Variants in ATP8B1 observed in about 807,000 individuals in gnomAD.
The protein encoded by ATP8B1 is ATPase phospholipid transporting 8B1.
In ATP8B1, 80 loss-of-function variants were observed where a neutral mutation model predicts 149.9. The ratio of observed to expected loss-of-function variants is 0.53; its 90% CI spans 0.45 to 0.64. The LOEUF (loss-of-function observed/expected upper bound fraction) is 0.64. ATP8B1 is among the 30% of genes least tolerant of loss of function. The probability of loss-of-function intolerance (pLI) is 0.00; values close to 1 mark genes in which losing one functional copy is unlikely to be tolerated. For missense variants in ATP8B1, 1,247 were observed against 1,552.6 expected (o/e 0.80, Z 3.31); for synonymous variants, 536 against 562.8 (o/e 0.95, Z 0.67).
intron 1 of ATP8B1, among the ~76,000 whole-genome samples, chr18:57,746,500 G>T (rs911698331): frequency 1.7e-4 from 22 of 127,512 alleles, no homozygotes; most frequent in African/African-American, 6.7e-4. Flanking sequence ...TTGAGACAGA[G>T]TCTCACTCTG....
At position 57,695,249 on chromosome 18, in the gene ATP8B1, A is replaced by G. The variant is rs1255386443; in HGVS notation, c.862T>C (p.Leu288=). The change falls in exon 10 of 28, where the codon TTG becomes CTG. Residue 288 remains leucine, a synonymous_variant. Coordinates refer to ENST00000648908, the MANE Select transcript of ATP8B1 (RefSeq NM_001374385.1). The part of the protein sequence containing the change: ...TLFWRNTSFP[L]DADKILLRGC... ...CGTAACAAAATTTTATCAGCATCCA[A>G]AGGAAAACTTGTGTTTCTCCAAAAT... is the stretch of plus-strand genomic sequence containing the variant. The G allele has an allele frequency of 6.2e-7, 1 of 1,614,034 alleles. No homozygotes were observed. The highest frequency in any genetic ancestry group is 8.5e-7 in the Non-Finnish European group (1 of 1,179,922).
chr18:57,772,132 CTAAGA>C (rs1295227601), intron 1 of ATP8B1, among the ~76,000 whole-genome samples: 4 of 152,150 alleles, frequency 2.6e-5, no homozygotes, highest in African/African-American at 9.7e-5. Context: ...TATAAAAGAG[CTAAGA>C]TAATTATAAG....
At chr18:57,727,420 G>T (rs2079719486) in intron 2 of ATP8B1, among the ~76,000 whole-genome samples, 1 of 152,176 alleles carries the variant, frequency 6.6e-6, no homozygotes. Flanking sequence ...CTTTATCTGT[G>T]TTTTGGTTCC....
chr18:57,783,460 C>T (rs967463423), intron 1 of ATP8B1, among the ~76,000 whole-genome samples: 1 of 152,066 alleles, frequency 6.6e-6, no homozygotes, highest in Non-Finnish European at 1.5e-5. Flanking sequence ...GGAATAAGAA[C>T]TTTAAAAATA....
chr18:57,694,466 A>G (rs1599124071), intron 11 of ATP8B1, 116 bp downstream of exon 11: 1 of 743,992 alleles, frequency 1.3e-6, no homozygotes, highest in Non-Finnish European at 2.3e-6. Context: ...GGAGTGCCCA[A>G]TAATTTTTCT....
intron 2 of ATP8B1, among the ~76,000 whole-genome samples, chr18:57,713,224 CTTCCTTCCTTCCTTCCTTCT>C (rs1483878978): frequency 5.9e-5 from 7 of 118,710 alleles, no homozygotes; most frequent in African/African-American, 1.7e-4. Context: ...TCCTTCCTTC[CTTCCTTCCTTCCTTCCTTCT>C]TTCTTTCTTT....
Position 57,675,277 on chromosome 18 carries a change from C to T in ATP8B1, c.1631-255G>A, listed in dbSNP as rs11152027. 0.092 allele frequency among the ~76,000 whole-genome samples: 14,012 copies of T among 152,224 alleles called. 713 individuals carry two copies. The highest frequency in any genetic ancestry group is 0.14 in the Middle Eastern group (42 of 294). On this transcript the variant is annotated intron_variant, in intron 15 of 27. Transcript: ENST00000648908. ...TGAGGGAAAATTCCCATAATCCCAC[C>T]ATCCACAGGAGAAACAACAGGTGTT...
intron 1 of ATP8B1, among the ~76,000 whole-genome samples, chr18:57,783,890 G>A (rs1014645704): frequency 6.6e-6 from 1 of 151,894 alleles, no homozygotes; most frequent in Non-Finnish European, 1.5e-5. Flanking sequence ...CACAGAAGCC[G>A]TCTCCTCTAC....
At position 57,761,652 on chromosome 18, in the gene ATP8B1, AT is replaced by A. The variant is rs909177430; in HGVS notation, c.-25-29821del. Among the ~76,000 whole-genome samples, 343 of 141,390 alleles carry A rather than the reference AT, an allele frequency of 2.4e-3. 2 individuals are homozygous for A. The highest frequency in any genetic ancestry group is 5.3e-3 in the African/African-American group (205 of 38,624). 92.8% of individuals were successfully genotyped at this position (141,390 alleles called of 152,430 possible). On this transcript the variant is annotated intron_variant, in intron 1 of 27. Transcript: ENST00000648908. ...ATTCTATAGGTTTTTTTCTTTTCCT[AT>A]TTTTTTTTTTAATGGACTAGGCCAG...
intron 3 of ATP8B1, among the ~76,000 whole-genome samples, chr18:57,705,204 T>C (rs1913329575): frequency 6.6e-6 from 1 of 152,210 alleles, no homozygotes; most frequent in South Asian, 2.1e-4. Context: ...GACATCAGAC[T>C]GTGACCAAAT....
chr18:57,798,759 C>T (rs1005057158), intron 1 of ATP8B1, among the ~76,000 whole-genome samples: 7 of 152,174 alleles, frequency 4.6e-5, no homozygotes, highest in African/African-American at 1.4e-4. Context: ...GGCCCCCTCA[C>T]GAGTTCTCCT....
chr18:57,661,713 A>ATTTT (rs759201755), intron 21 of ATP8B1, among the ~76,000 whole-genome samples: 12 of 92,670 alleles, frequency 1.3e-4, no homozygotes, highest in African/African-American at 4.3e-4. Context: ...ATATATATAT[A>ATTTT]TTTTTTTTTT....
Position 57,661,326 on chromosome 18 carries a change from T to G in ATP8B1, c.2555A>C (p.Asn852Thr), listed in dbSNP as rs34681681. Residue 852 changes from asparagine to threonine, a missense_variant, in exon 22 of 28, where the codon AAC becomes ACC. Transcript: ENST00000648908. ...GCACTCGCAGGCCAGGTCCACAAAG[T>G]TTTTCTGCCGCTGCTCTTTCTTAGC... is the stretch of plus-strand genomic sequence containing the variant. Reference protein sequence around the residue: ...LEAKKEQRQKNFVDLACECSA... With the variant: ...LEAKKEQRQKTFVDLACECSA... The G allele has an allele frequency of 1.2e-6, 2 of 1,613,986 alleles. No individual in the cohort carries two copies. Among genetic ancestry groups the G allele is most frequent in the East Asian group, 2.2e-5 (1 of 44,844 alleles).
chr18:57,786,338 C>T (rs4941094), intron 1 of ATP8B1, among the ~76,000 whole-genome samples: 26,332 of 152,170 alleles, frequency 0.17, 2,668 homozygotes, highest in South Asian at 0.24. Context: ...CTGGACATCA[C>T]TTCAGAATCC....
Position 57,706,524 on chromosome 18 carries a change from G to T in ATP8B1, c.245C>A (p.Thr82Lys). The T allele has an allele frequency of 6.2e-7, 1 of 1,613,996 alleles. No homozygotes were observed. The highest frequency in any genetic ancestry group is 1.3e-5 in the African/African-American group (1 of 75,010). Residue 82 changes from threonine (T) to lysine (K), a missense_variant, in exon 3 of 28, where the codon ACA (threonine) becomes AAA (lysine). Thr to Lys is a moderately conservative substitution (Grantham distance 78). Coordinates refer to ENST00000648908, the MANE Select transcript of ATP8B1 (RefSeq NM_001374385.1). ...ACTCTCCTTAATACACAAGAATTTT[G>T]TGTTCATAAAGTGAGGTTGTTCGTG... ...KYHEQPHFMN[T>K]KFLCIKESKY... is the part of the protein sequence containing the mutation.
At chr18:57,702,429 C>A (rs879637395) in intron 4 of ATP8B1, among the ~76,000 whole-genome samples, 10 of 152,218 alleles carry the variant, frequency 6.6e-5, no homozygotes, top group Admixed American at 2.0e-4. Context: ...TACTAGGCCT[C>A]AGCTTTTCTC....
At chr18:57,782,541 T>C (rs1167460734) in intron 1 of ATP8B1, among the ~76,000 whole-genome samples, 1 of 152,164 alleles carries the variant, frequency 6.6e-6, no homozygotes. Context: ...CTAATAAGAC[T>C]CTGGCAAGGA....
At chr18:57,794,578 C>A (rs1357204482) in intron 1 of ATP8B1, among the ~76,000 whole-genome samples, 1 of 151,898 alleles carries the variant, frequency 6.6e-6, no homozygotes, top group Admixed American at 6.6e-5. Flanking sequence ...TTTACACCCA[C>A]CCTGACACAG....
rs879257656 is a variant in ATP8B1, at chr18:57,662,610, A to T, written c.2291T>A (p.Leu764His). The T allele has an allele frequency of 1.9e-6, 3 of 1,614,240 alleles. No individual in the cohort carries two copies. Among genetic ancestry groups the T allele is most frequent in the Non-Finnish European group, 2.5e-6 (3 of 1,180,036 alleles). The change falls in exon 21 of 28, where the codon CTT becomes CAT. Residue 764 changes from leucine (L) to histidine (H), a missense_variant. Physicochemically the swap from Leu to His is moderately conservative, Grantham distance 99. Around this residue, in one of 3 missense-constraint regions of ATP8B1, gnomAD observed 853 missense variants for 1,035.7 expected, o/e 0.82. Coordinates refer to ENST00000648908, the MANE Select transcript of ATP8B1 (RefSeq NM_001374385.1). ...TICYGEDINS[L>H]LHARMENQRN... is the part of the protein sequence containing the mutation. ...CTGGTTTTCCATCCTTGCATGAAGA[A>T]GAGAACTAGGGGAAACCAAATTTCA... is the stretch of plus-strand genomic sequence containing the variant.
Sources: allele counts gnomAD v4.1 joint callset (sites outside exome capture counted in the v4.1 genomes callset), GRCh38; gene constraint gnomAD v4.1.1; regional missense constraint gnomAD v4.1.1; transcripts MANE v1.5; gene names NCBI Gene and HGNC (gene_info 2026-07-23, HGNC 2026-07-21).